Variants in DOCK1 observed in about 807,000 individuals in gnomAD.
DOCK1 encodes dedicator of cytokinesis protein 1.
In DOCK1, 138 loss-of-function variants were observed where a neutral mutation model predicts 262.7. That is an observed-to-expected ratio of 0.53 (90% CI 0.46 to 0.61). The LOEUF is 0.61. Ranked by LOEUF, DOCK1 falls within the 20% of genes least tolerant of loss-of-function variation. The pLI, the probability that DOCK1 is intolerant of heterozygous loss-of-function variation, is 0.00. For missense variants in DOCK1, 1,908 were observed against 2,370.7 expected (o/e 0.80, Z 4.05); for synonymous variants, 866 against 867.4 (o/e 1.00, Z 0.03).
intron 7 of DOCK1, among the ~76,000 whole-genome samples, chr10:126,997,181 C>T (rs747214718): frequency 4.6e-5 from 7 of 152,088 alleles, no homozygotes; most frequent in African/African-American, 7.2e-5. Context: ...CATTTCCTCT[C>T]GGATAATGGT....
In DOCK1 at chr10:127,362,120, T is replaced by C. The variant is rs1372787216; in HGVS notation, c.3340T>C (p.Leu1114=). 6.2e-7 allele frequency: 1 copy of C among 1,613,732 alleles called. No homozygotes were observed. Among genetic ancestry groups the C allele is most frequent in the African/African-American group, 1.3e-5 (1 of 74,928 alleles). The change falls in exon 33 of 52, where the codon TTA becomes CTA. Residue 1114 remains leucine, a synonymous_variant. Transcript: ENST00000623213. ...EMVGPILEMT[L]IPETELRKAT... ...GGTGGGCCCAATATTAGAAATGACA[T>C]TAATTCCCGAGACGGAGCTGCGCAA...
intron 1 of DOCK1, among the ~76,000 whole-genome samples, chr10:126,958,748 T>C (rs1202178869): frequency 6.6e-6 from 1 of 152,188 alleles, no homozygotes; most frequent in Non-Finnish European, 1.5e-5. Context: ...AGGGAGGCGC[T>C]GCTTAGTTCT....
At chr10:127,015,761 C>T (rs868764994) in intron 12 of DOCK1, among the ~76,000 whole-genome samples, 1 of 152,146 alleles carries the variant, frequency 6.6e-6, no homozygotes, top group Non-Finnish European at 1.5e-5. Context: ...CTCCCTGCTG[C>T]GATTCCATCC....
At chr10:127,279,953 C>T (rs984935543) in intron 29 of DOCK1, among the ~76,000 whole-genome samples, 79 of 147,936 alleles carry the variant, frequency 5.3e-4, no homozygotes, top group African/African-American at 1.8e-3. Flanking sequence ...AAGTGTCACA[C>T]TTTGAGAATG....
At chr10:127,139,688 C>T (rs2051037941) in intron 27 of DOCK1, among the ~76,000 whole-genome samples, 1 of 152,146 alleles carries the variant, frequency 6.6e-6, no homozygotes, top group South Asian at 2.1e-4. Context: ...CACCCTGCCT[C>T]TTCCACCTGA....
At chr10:127,338,230 G>A (rs1276128896) in intron 29 of DOCK1, among the ~76,000 whole-genome samples, 6 of 152,172 alleles carry the variant, frequency 3.9e-5, no homozygotes, top group East Asian at 1.9e-4. Context: ...AGTAGTGGAC[G>A]AAGCTTTAGT....
In DOCK1 at chr10:127,032,175, G is replaced by C; in HGVS notation, c.1767G>C (p.Leu589Phe). The change falls in exon 18 of 52, where the codon TTG becomes TTC. Residue 589 changes from leucine to phenylalanine, a missense_variant. By Grantham distance (22) the Leu-to-Phe change is conservative. Transcript: ENST00000623213. The part of the protein sequence containing the change: ...AKKLEDAATY[L>F]SLPSTKAELE... ...AGCTGGAAGATGCTGCCACGTACTT[G>C]AGTCTGCCCTCCACGAAGGCAGAGT... 6.3e-7 allele frequency: 1 copy of C among 1,598,496 alleles called. No homozygotes were observed. Among genetic ancestry groups the C allele is most frequent in the Non-Finnish European group, 8.5e-7 (1 of 1,172,380 alleles).
At chr10:127,371,187 G>A (rs1270046846) in intron 33 of DOCK1, among the ~76,000 whole-genome samples, 4 of 152,202 alleles carry the variant, frequency 2.6e-5, no homozygotes, top group African/African-American at 9.6e-5. Flanking sequence ...GAATCAATTC[G>A]AGTGTATTCT....
intron 29 of DOCK1, among the ~76,000 whole-genome samples, chr10:127,292,035 G>A (rs536345109): frequency 1.3e-5 from 2 of 152,308 alleles, no homozygotes; most frequent in Admixed American, 6.5e-5. Flanking sequence ...TCCTTGGAAA[G>A]TCTGTGTGTC....
At chr10:127,392,819 G>A (rs1000510309) in intron 38 of DOCK1, among the ~76,000 whole-genome samples, 3 of 152,146 alleles carry the variant, frequency 2.0e-5, no homozygotes, top group African/African-American at 7.2e-5. Flanking sequence ...GGTTTTGTCA[G>A]TGTGCTCCTT....
intron 1 of DOCK1, among the ~76,000 whole-genome samples, chr10:126,918,132 G>A (rs1321994504): frequency 4.6e-5 from 7 of 152,236 alleles, no homozygotes; most frequent in Admixed American, 6.5e-5. Context: ...GAGGCTGCCC[G>A]GGATTGCCAG....
intron 29 of DOCK1, among the ~76,000 whole-genome samples, chr10:127,326,069 C>T (rs894040851): frequency 6.6e-6 from 1 of 152,214 alleles, no homozygotes; most frequent in African/African-American, 2.4e-5. Flanking sequence ...TAACAATTAT[C>T]TGAGGCTTCA....
intron 38 of DOCK1, among the ~76,000 whole-genome samples, chr10:127,399,851 G>A (rs747773185): frequency 6.6e-5 from 10 of 152,200 alleles, no homozygotes; most frequent in African/African-American, 7.2e-5. Flanking sequence ...TTAAAAAAAC[G>A]TTAAAAGTAG....
At chr10:127,261,131 G>A (rs2060060166) in intron 29 of DOCK1, among the ~76,000 whole-genome samples, 2 of 144,732 alleles carry the variant, frequency 1.4e-5, no homozygotes, top group South Asian at 4.4e-4. Flanking sequence ...GTGTGTGCCT[G>A]CATGTGTGTG....
At chr10:127,358,482 G>A (rs984820764) in intron 32 of DOCK1, among the ~76,000 whole-genome samples, 1 of 152,236 alleles carries the variant, frequency 6.6e-6, no homozygotes, top group South Asian at 2.1e-4. Flanking sequence ...GCAGCCTGCC[G>A]GAGCACCTGA....
At chr10:127,278,458 A>G (rs2060825641) in intron 29 of DOCK1, among the ~76,000 whole-genome samples, 1 of 152,158 alleles carries the variant, frequency 6.6e-6, no homozygotes, top group African/African-American at 2.4e-5. Context: ...ACTGGACCAG[A>G]AGGTTTTGTT....
At chr10:127,159,726 T>G (rs2053419084) in intron 27 of DOCK1, among the ~76,000 whole-genome samples, 4 of 152,126 alleles carry the variant, frequency 2.6e-5, no homozygotes, top group Admixed American at 2.6e-4. Context: ...CGGGTAGACA[T>G]TTGAAAAGAA....
chr10:127,071,181 T>A (rs2135927001), intron 23 of DOCK1, among the ~76,000 whole-genome samples: 1 of 152,320 alleles, frequency 6.6e-6, no homozygotes, highest in East Asian at 1.9e-4. Context: ...TACTGCTTGC[T>A]GGTCTGTGGC....
intron 29 of DOCK1, among the ~76,000 whole-genome samples, chr10:127,296,008 C>T (rs1232375888): frequency 6.6e-6 from 1 of 152,174 alleles, no homozygotes; most frequent in Non-Finnish European, 1.5e-5. Context: ...TTTCTTACAG[C>T]ATGCTGTTGC....
Sources: gnomAD v4.1 joint callset for allele counts (sites outside exome capture counted in the v4.1 genomes callset) on GRCh38, gnomAD v4.1.1 for gene constraint, MANE v1.5 for transcripts, NCBI Gene and HGNC (gene_info 2026-07-23, HGNC 2026-07-21) for gene names.